MTA3: variants seen among roughly 807,000 people sequenced by gnomAD.
MTA3 encodes the protein metastasis associated 1 family member 3, also known as metastasis-associated protein MTA3.
MTA3 carries 34 observed loss-of-function variants against 83.5 expected under a neutral mutation model. The observed-to-expected ratio is 0.41, with a 90% CI of 0.31 to 0.54. The LOEUF (loss-of-function observed/expected upper bound fraction) is 0.54. Ranked by LOEUF, MTA3 falls within the 20% of genes least tolerant of loss-of-function variation. The pLI, the probability that MTA3 is intolerant of heterozygous loss-of-function variation, is 0.33. For synonymous variants in MTA3, 303 were observed against 252.7 expected, an observed-to-expected ratio of 1.20 and a Z score of -1.89; for missense variants, 761 against 726.4, an observed-to-expected ratio of 1.05 and a Z score of -0.55.
intron 4 of MTA3, among the ~76,000 whole-genome samples, chr2:42,632,279 A>C (rs1378796149): frequency 3.3e-5 from 5 of 151,468 alleles, no homozygotes; most frequent in Admixed American, 2.0e-4. Context: ...TTTAGTAGAG[A>C]CAGGGTTTCA....
intron 16 of MTA3, among the ~76,000 whole-genome samples, chr2:42,729,183 T>G (rs375668566): frequency 2.2e-5 from 3 of 137,586 alleles, no homozygotes; most frequent in Admixed American, 8.3e-5. Context: ...AAGCTCTACC[T>G]TCCGGGGGGT....
In MTA3 at chr2:42,753,300, G is replaced by A. The variant is rs1054808432; in HGVS notation, c.1760-74G>A. 9 of 1,547,560 alleles carry A rather than the reference G, an allele frequency of 5.8e-6. No individual in the cohort carries two copies. The South Asian group carries it at 8.4e-5, about 14-fold the overall frequency. ...AAGGTTGTGATGTTGGGAGGGGTGAGTCCATCCTCCCTTTCATCTTGCCTC... is the reference window on the plus strand; with the variant it reads ...AAGGTTGTGATGTTGGGAGGGGTGAATCCATCCTCCCTTTCATCTTGCCTC... On this transcript the variant is annotated intron_variant, in intron 16 of 16. Coordinates refer to ENST00000405094, the MANE Select transcript of MTA3 (RefSeq NM_001330442.2).
intron 2 of MTA3, among the ~76,000 whole-genome samples, chr2:42,557,626 A>C (rs2103791892): frequency 6.6e-6 from 1 of 152,304 alleles, no homozygotes; most frequent in East Asian, 1.9e-4. Context: ...TGTAATACTC[A>C]TGCTTTTTTC....
At chr2:42,533,495 T>A (rs1220457975) in intron 2 of MTA3, 3 of 150,350 alleles carry the variant, frequency 2.0e-5, no homozygotes, top group Non-Finnish European at 4.4e-5. Context: ...TCTGTTTCTT[T>A]TCCTTTCTTT....
Position 42,754,667 on chromosome 2 carries a change from G to A in MTA3, c.*1268G>A, listed in dbSNP as rs535260086. 4.5e-3 allele frequency: 4,407 copies of A among 985,508 alleles called. 9 individuals are homozygous for A. The highest frequency in any genetic ancestry group is 5.1e-3 in the Non-Finnish European group (4,210 of 829,978). The allele number at this position is 985,508 out of a possible 1,614,324, so 61.0% of individuals were successfully genotyped here. On this transcript the variant is annotated 3_prime_UTR_variant, in exon 17 of 17. Transcript: ENST00000405094. ...CACAGTCCCAAGAAAGACAACTGGA[G>A]TCTGATCTCCCAGCCATCTCTGGGG... is the stretch of plus-strand genomic sequence containing the variant.
chr2:42,580,963 A>C (rs543062575), intron 3 of MTA3, among the ~76,000 whole-genome samples: 49 of 152,234 alleles, frequency 3.2e-4, no homozygotes, highest in African/African-American at 1.2e-3. Flanking sequence ...GTATGGGTGT[A>C]AGGAAGGCTG....
chr2:42,558,674 A>G (rs1338412136), intron 2 of MTA3, among the ~76,000 whole-genome samples: 4 of 150,796 alleles, frequency 2.7e-5, no homozygotes, highest in Admixed American at 6.6e-5. Flanking sequence ...CTTCCTCCCA[A>G]GTAGCTGGGA....
chr2:42,591,525 T>C (rs1411927880), intron 3 of MTA3, among the ~76,000 whole-genome samples: 2 of 152,226 alleles, frequency 1.3e-5, no homozygotes, highest in Non-Finnish European at 2.9e-5. Context: ...CTTTTAATTT[T>C]GTTTAGCTTT....
At chr2:42,566,889 T>TGTTG (rs1677936546), upstream of MTA3, among the ~76,000 whole-genome samples, 1 of 152,192 alleles carries the variant, frequency 6.6e-6, no homozygotes, top group South Asian at 2.1e-4. Flanking sequence ...TGATTCATAA[T>TGTTG]CCCAAAATTG....
At chr2:42,578,271 TCTTGAGAGC>T (rs1156365487) in intron 2 of MTA3, among the ~76,000 whole-genome samples, 3 of 152,188 alleles carry the variant, frequency 2.0e-5, no homozygotes, top group African/African-American at 7.2e-5. Context: ...TGATTGACCT[TCTTGAGAGC>T]TCTCAGAATT....
At chr2:42,661,465 C>T (rs1168340431) in intron 8 of MTA3, among the ~76,000 whole-genome samples, 1 of 132,528 alleles carries the variant, frequency 7.5e-6, no homozygotes, top group Non-Finnish European at 1.5e-5. Flanking sequence ...ATGCTCATGC[C>T]ACTTGCCCTC....
At chr2:42,663,525 C>G (rs1689932164) in intron 8 of MTA3, among the ~76,000 whole-genome samples, 1 of 152,186 alleles carries the variant, frequency 6.6e-6, no homozygotes, top group African/African-American at 2.4e-5. Flanking sequence ...CTTTGGGAGG[C>G]TGAGGCAGGA....
Position 42,682,432 on chromosome 2 carries a change from G to A in MTA3, c.734G>A (p.Ser245Asn). The A allele has an allele frequency of 6.2e-7, 1 of 1,610,612 alleles. No individual in the cohort carries two copies. Among genetic ancestry groups the A allele is most frequent in the Non-Finnish European group, 8.5e-7 (1 of 1,178,210 alleles). The part of the protein sequence containing the change: ...FHAMDTLYRH[S>N]YDLSSAISVL... Reference sequence around the variant, plus strand: ...GCTATGGATACATTGTATAGACACAGCTATGATTTGAGCAGTGCCATTAGT... The same window carrying A: ...GCTATGGATACATTGTATAGACACAACTATGATTTGAGCAGTGCCATTAGT... The change falls in exon 9 of 17, where the codon AGC becomes AAC. Residue 245 changes from serine to asparagine, a missense_variant. Coordinates refer to ENST00000405094, the MANE Select transcript of MTA3 (RefSeq NM_001330442.2).
chr2:42,709,090 G>C lies in MTA3; in HGVS notation c.1519G>C (p.Ala507Pro). The C allele has an allele frequency of 1.3e-6, 2 of 1,596,314 alleles. No homozygotes were observed. Among genetic ancestry groups the C allele is most frequent in the Non-Finnish European group, 8.5e-7 (1 of 1,170,916 alleles). Residue 507 changes from alanine (A) to proline (P), a missense_variant, in exon 14 of 17, where the codon GCA (alanine) becomes CCA (proline). Coordinates refer to ENST00000405094, the MANE Select transcript of MTA3 (RefSeq NM_001330442.2). Reference sequence around the variant, plus strand: ...TGCTATTAATTATGCTGCCATTAGGGCAGAATGTAAGATGCTTTTAAATTC... The same window carrying C: ...TGCTATTAATTATGCTGCCATTAGGCCAGAATGTAAGATGCTTTTAAATTC... ...FVAINYAAIR[A>P]EYADRHAELS...
chr2:42,550,587 G>C (rs1361002025), intron 2 of MTA3, among the ~76,000 whole-genome samples: 1 of 152,142 alleles, frequency 6.6e-6, no homozygotes, highest in Non-Finnish European at 1.5e-5. Flanking sequence ...AGGAGCTAAG[G>C]GTGGCTCAGA....
chr2:42,630,332 GA>G (rs1201783657), intron 4 of MTA3, among the ~76,000 whole-genome samples: 1 of 152,124 alleles, frequency 6.6e-6, no homozygotes, highest in Non-Finnish European at 1.5e-5. Flanking sequence ...AGTTTCAGTG[GA>G]GGGGGATTTG....
intron 16 of MTA3, among the ~76,000 whole-genome samples, chr2:42,739,696 CT>C (rs1668882774): frequency 6.6e-6 from 1 of 152,224 alleles, no homozygotes; most frequent in Non-Finnish European, 1.5e-5. Flanking sequence ...CACATTAGAA[CT>C]TCTTTCAAAA....
At position 42,755,942 on chromosome 2, in the gene MTA3, G is replaced by C; in HGVS notation, c.*2543G>C. 1 of 985,516 alleles carries C rather than the reference G, an allele frequency of 1.0e-6. No individual in the cohort carries two copies. Among genetic ancestry groups the C allele is most frequent in the South Asian group, 4.7e-5 (1 of 21,294 alleles). The allele number at this position is 985,516 out of a possible 1,614,324, so 61.0% of individuals were successfully genotyped here. ...GCGCAAGAGAGGAGGGCCGACTGGA[G>C]GGTGTCGCCGGAAGGTTTCAGCCTG... is the stretch of plus-strand genomic sequence containing the variant. On this transcript the variant is annotated 3_prime_UTR_variant, in exon 17 of 17. Coordinates refer to ENST00000405094, the MANE Select transcript of MTA3 (RefSeq NM_001330442.2).
intron 15 of MTA3, among the ~76,000 whole-genome samples, chr2:42,721,572 G>A (rs1667411638): frequency 6.6e-6 from 1 of 152,094 alleles, no homozygotes; most frequent in Admixed American, 6.5e-5. Flanking sequence ...CATGCAGTCT[G>A]CCCACCTTGG....
Sources: allele counts gnomAD v4.1 joint callset (sites outside exome capture counted in the v4.1 genomes callset), GRCh38; gene constraint gnomAD v4.1.1; transcripts MANE v1.5; gene names NCBI Gene and HGNC (gene_info 2026-07-23, HGNC 2026-07-21).